MTHFD2L: variants seen among roughly 807,000 people sequenced by gnomAD.
MTHFD2L encodes the protein methylenetetrahydrofolate dehydrogenase (NADP+ dependent) 2 like.
In MTHFD2L, 29 loss-of-function variants were observed where a neutral mutation model predicts 34.9. That is an observed-to-expected ratio of 0.83 (90% CI 0.62 to 1.13). The LOEUF is 1.13. Among genes scored for constraint, MTHFD2L ranks in the 50% most tolerant of loss-of-function variants. MTHFD2L has a pLI of 0.00. For missense variants in MTHFD2L, 481 were observed against 446.5 expected (o/e 1.08, Z -0.70); for synonymous variants, 167 against 155.7 (o/e 1.07, Z -0.54).
chr4:74,180,659 T>C (rs1263829698), intron 3 of MTHFD2L: 4 of 449,284 alleles, frequency 8.9e-6, no homozygotes, highest in Non-Finnish European at 1.8e-5. Flanking sequence ...ACTGGGACTG[T>C]CACAAGCTAA....
rs148267127 is a variant in MTHFD2L, at chr4:74,261,568, A to G, written c.806-19857A>G. The stretch of plus-strand genomic sequence containing the variant: ...CAAATAAAGCAATAAATTCCATACC[A>G]TCCAAAGGCTCATGATTTTGCACAG... On this transcript the variant is annotated intron_variant, in intron 6 of 7. Coordinates refer to ENST00000325278, the MANE Select transcript of MTHFD2L (RefSeq NM_001144978.3). Among the ~76,000 whole-genome samples, 325 of 152,210 alleles carry G rather than the reference A, an allele frequency of 2.1e-3. 1 individual carries two copies. The highest frequency in any genetic ancestry group is 2.2e-3 in the Non-Finnish European group (147 of 67,930).
chr4:74,232,625 G>C (rs748276841), intron 6 of MTHFD2L, among the ~76,000 whole-genome samples: 3 of 152,214 alleles, frequency 2.0e-5, no homozygotes, highest in East Asian at 1.9e-4. Flanking sequence ...CAAAAACTTA[G>C]AAAACTTGGA....
chr4:74,238,009 G>A (rs533381801), intron 6 of MTHFD2L, among the ~76,000 whole-genome samples: 1 of 152,324 alleles, frequency 6.6e-6, no homozygotes, highest in East Asian at 1.9e-4. Flanking sequence ...TGCAGACAAT[G>A]TGTTGACTAT....
chr4:74,153,037 T>A (rs1195858973), intron 1 of MTHFD2L, among the ~76,000 whole-genome samples: 1 of 152,226 alleles, frequency 6.6e-6, no homozygotes, highest in Non-Finnish European at 1.5e-5. Context: ...CTCCTGGTTT[T>A]CTGGATCCTT....
chr4:74,124,283 T>TA (rs200539845), upstream of MTHFD2L, among the ~76,000 whole-genome samples: 1,756 of 151,344 alleles, frequency 0.012, 32 homozygotes, highest in African/African-American at 0.04. Flanking sequence ...AGTTTTTTTT[T>TA]AAAAAAAATA....
chr4:74,250,460 C>T (rs1020419902), intron 6 of MTHFD2L, among the ~76,000 whole-genome samples: 1 of 152,068 alleles, frequency 6.6e-6, no homozygotes, highest in African/African-American at 2.4e-5. Flanking sequence ...ATGTAGACTC[C>T]ATTAGGGAAG....
In MTHFD2L at chr4:74,281,540, G is replaced by T; in HGVS notation, c.921G>T (p.Val307=). 6.2e-7 allele frequency: 1 copy of T among 1,611,372 alleles called. No homozygotes were observed. The highest frequency in any genetic ancestry group is 1.1e-5 in the South Asian group (1 of 90,806). The part of the protein sequence containing the change: ...VTGKTKLVGD[V]DFEAVKKKAG... ...GAAAGACAAAATTAGTTGGAGATGT[G>T]GACTTCGAAGGTAATAAACCAATAT... Residue 307 remains valine (V), a synonymous_variant, in exon 7 of 8, where the codon GTG becomes GTT. Transcript: ENST00000325278.
At chr4:74,277,154 A>AT (rs11444615) in intron 6 of MTHFD2L, among the ~76,000 whole-genome samples, 31,846 of 145,226 alleles carry the variant, frequency 0.22, 4,524 homozygotes, top group African/African-American at 0.42. Flanking sequence ...GCCAAAGCAG[A>AT]TTTTTTTTTT....
chr4:74,175,193 A>G, intron 2 of MTHFD2L, 88 bp from the exon 3 acceptor site: 1 of 1,384,028 alleles, frequency 7.2e-7, no homozygotes, highest in Non-Finnish European at 9.8e-7. Flanking sequence ...TCACGGCAGT[A>G]GGAACAGTCC....
upstream of MTHFD2L, chr4:74,158,020 G>T (rs1489086538): frequency 2.1e-6 from 3 of 1,445,726 alleles, no homozygotes; most frequent in East Asian, 2.5e-5. Context: ...CCGGAACCTG[G>T]CTGGGAAGCG....
chr4:74,222,721 A>ACT (rs1738427014), intron 5 of MTHFD2L, among the ~76,000 whole-genome samples: 1 of 152,096 alleles, frequency 6.6e-6, no homozygotes, highest in African/African-American at 2.4e-5. Flanking sequence ...TGTGTCTTTT[A>ACT]GCATGTTCCT....
chr4:74,192,321 T>C (rs79539803), intron 3 of MTHFD2L, among the ~76,000 whole-genome samples: 3,917 of 152,268 alleles, frequency 0.026, 78 homozygotes, highest in East Asian at 0.12. Context: ...TGAACACTCA[T>C]ATGCCTTCAA....
At chr4:74,170,886 C>G (rs962963121) in intron 1 of MTHFD2L, among the ~76,000 whole-genome samples, 1 of 148,572 alleles carries the variant, frequency 6.7e-6, no homozygotes, top group African/African-American at 2.5e-5. Context: ...GGACAAAAAA[C>G]CAAACACTGC....
intron 1 of MTHFD2L, among the ~76,000 whole-genome samples, chr4:74,126,845 A>G (rs1056011644): frequency 2.0e-5 from 3 of 152,062 alleles, no homozygotes; most frequent in African/African-American, 7.2e-5. Context: ...TACATTCATG[A>G]TATGGTTTGG....
chr4:74,152,017 A>T (rs568778052), intron 1 of MTHFD2L, among the ~76,000 whole-genome samples: 9 of 152,240 alleles, frequency 5.9e-5, no homozygotes, highest in Non-Finnish European at 1.2e-4. Flanking sequence ...ATATGAACTG[A>T]CACACTTCCA....
intron 6 of MTHFD2L, among the ~76,000 whole-genome samples, chr4:74,274,982 G>A (rs937659171): frequency 2.0e-5 from 3 of 152,134 alleles, no homozygotes; most frequent in Non-Finnish European, 4.4e-5. Flanking sequence ...CAGGATACAT[G>A]TGCAGAATGT....
intron 6 of MTHFD2L, among the ~76,000 whole-genome samples, chr4:74,236,973 G>C (rs898155778): frequency 1.3e-5 from 2 of 151,964 alleles, no homozygotes; most frequent in Non-Finnish European, 2.9e-5. Context: ...TAAAAAAGTG[G>C]TTTAATAACA....
At chr4:74,210,240 T>C (rs904717052) in intron 5 of MTHFD2L, among the ~76,000 whole-genome samples, 11 of 152,222 alleles carry the variant, frequency 7.2e-5, no homozygotes, top group Non-Finnish European at 1.0e-4. Context: ...TTGCTTTTGA[T>C]GTTTCAGTCA....
Position 74,289,940 on chromosome 4 carries a change from G to A in MTHFD2L, c.931+8390G>A, listed in dbSNP as rs886791927. 2.0e-5 allele frequency among the ~76,000 whole-genome samples: 3 copies of A among 152,036 alleles called. No individual in the cohort carries two copies. The South Asian group carries it at 6.2e-4, about 32-fold the overall frequency. On this transcript the variant is annotated intron_variant, in intron 7 of 7. Coordinates refer to ENST00000325278, the MANE Select transcript of MTHFD2L (RefSeq NM_001144978.3). ...GATAATGGGCAAAAGAGAGGAAGGG[G>A]CTCTTTCCTGGTAGAGGGAACAAAG...
Sources: allele counts gnomAD v4.1 joint callset (sites outside exome capture counted in the v4.1 genomes callset), GRCh38; gene constraint gnomAD v4.1.1; transcripts MANE v1.5; gene names NCBI Gene and HGNC (gene_info 2026-07-23, HGNC 2026-07-21).